STXBP5L: variants seen among roughly 807,000 people sequenced by gnomAD.
STXBP5L encodes syntaxin binding protein 5L.
STXBP5L carries 65 observed loss-of-function variants against 144.5 expected under a neutral mutation model. That is an observed-to-expected ratio of 0.45 (90% CI 0.37 to 0.55). STXBP5L has a LOEUF of 0.55. Ranked by LOEUF, STXBP5L falls within the 20% of genes least tolerant of loss-of-function variation. The pLI is 0.00. For missense variants in STXBP5L, 1,298 were observed against 1,405.5 expected, an observed-to-expected ratio of 0.92 and a Z score of 1.22; for synonymous variants, 505 against 469.6, an observed-to-expected ratio of 1.08 and a Z score of -0.97.
At chr3:120,995,516 A>G (rs552465482) in intron 3 of STXBP5L, among the ~76,000 whole-genome samples, 1 of 150,972 alleles carries the variant, frequency 6.6e-6, no homozygotes, top group South Asian at 2.1e-4. Flanking sequence ...AACATTTTTA[A>G]TGATTTAATG....
intron 3 of STXBP5L, among the ~76,000 whole-genome samples, chr3:121,022,641 A>T (rs1490660873): frequency 2.0e-5 from 3 of 152,198 alleles, no homozygotes; most frequent in Non-Finnish European, 2.9e-5. Context: ...CCACATAAAT[A>T]GGATTAAAAA....
chr3:121,154,240 A>T (rs1374885935), intron 8 of STXBP5L, among the ~76,000 whole-genome samples: 1 of 151,874 alleles, frequency 6.6e-6, no homozygotes, highest in Non-Finnish European at 1.5e-5. Context: ...ATGTGTCATT[A>T]TATGCTCTAT....
At chr3:121,324,269 G>A (rs146327488) in intron 20 of STXBP5L, among the ~76,000 whole-genome samples, 101 of 152,156 alleles carry the variant, frequency 6.6e-4, no homozygotes, top group Non-Finnish European at 1.3e-3. Context: ...CTCCTTCTGG[G>A]CATTCCTATG....
chr3:121,083,675 A>T (rs935946912), intron 5 of STXBP5L, among the ~76,000 whole-genome samples: 25 of 152,250 alleles, frequency 1.6e-4, no homozygotes, highest in African/African-American at 6.0e-4. Flanking sequence ...GAAAAAAAAA[A>T]AATGGTGTCA....
At chr3:121,205,714 T>G (rs1450287357) in intron 9 of STXBP5L, among the ~76,000 whole-genome samples, 1 of 152,188 alleles carries the variant, frequency 6.6e-6, no homozygotes, top group Admixed American at 6.5e-5. Flanking sequence ...ATTTTATGAA[T>G]TATATAGCAG....
intron 24 of STXBP5L, among the ~76,000 whole-genome samples, chr3:121,414,843 T>A (rs758948079): frequency 7.9e-5 from 12 of 152,218 alleles, no homozygotes; most frequent in South Asian, 4.1e-4. Flanking sequence ...ATTCTGGTTA[T>A]AGTATGGCAG....
chr3:121,056,901 A>G (rs1393975162), intron 5 of STXBP5L, among the ~76,000 whole-genome samples: 1 of 151,318 alleles, frequency 6.6e-6, no homozygotes, highest in African/African-American at 2.4e-5. Context: ...TTTTTGTTAA[A>G]CAAATTAGCA....
intron 2 of STXBP5L, among the ~76,000 whole-genome samples, chr3:120,948,006 A>T (rs1433880778): frequency 1.3e-5 from 2 of 151,806 alleles, no homozygotes; most frequent in African/African-American, 4.8e-5. Context: ...TCTGTATTTC[A>T]TATATTGAGG....
At chr3:120,995,001 G>C (rs1371106943) in intron 3 of STXBP5L, among the ~76,000 whole-genome samples, 1 of 151,796 alleles carries the variant, frequency 6.6e-6, no homozygotes, top group Non-Finnish European at 1.5e-5. Context: ...GTTCAATTTT[G>C]GGAGGTTTTA....
At chr3:121,323,026 C>T (rs2108541109) in intron 20 of STXBP5L, among the ~76,000 whole-genome samples, 1 of 152,228 alleles carries the variant, frequency 6.6e-6, no homozygotes, top group South Asian at 2.1e-4. Context: ...CTTTTGCCTA[C>T]TCTTAATGGA....
At position 121,420,831 on chromosome 3, in the gene STXBP5L, C is replaced by CT. The variant is rs1480752740; in HGVS notation, c.*1737dup. ...GTCTAATTTTTTGCTAGAAGTTGTA[C>CT]TTTCTAGCAAATGTTTCTAGTGGTA... On this transcript the variant is annotated 3_prime_UTR_variant, in exon 27 of 27. Coordinates refer to ENST00000471454, the MANE Select transcript of STXBP5L (RefSeq NM_001308330.2). The CT allele has an allele frequency of 6.6e-6, 1 of 152,002 alleles. No homozygotes were observed. The highest frequency in any genetic ancestry group is 6.6e-5 in the Admixed American group (1 of 15,246). 9.4% of individuals were successfully genotyped at this position (152,002 alleles called of 1,614,324 possible).
At chr3:121,089,491 G>C (rs190559708) in intron 5 of STXBP5L, among the ~76,000 whole-genome samples, 25 of 150,068 alleles carry the variant, frequency 1.7e-4, no homozygotes, top group African/African-American at 6.1e-4. Context: ...TTCTCCCATA[G>C]TTAAGGTGTT....
intron 19 of STXBP5L, among the ~76,000 whole-genome samples, chr3:121,292,909 A>C (rs114630218): frequency 7.1e-4 from 108 of 152,328 alleles, no homozygotes; most frequent in African/African-American, 2.5e-3. Context: ...GGTGAGGGAT[A>C]AAAGATGACA....
At chr3:121,239,946 A>T (rs1368514573) in intron 13 of STXBP5L, among the ~76,000 whole-genome samples, 3 of 152,100 alleles carry the variant, frequency 2.0e-5, no homozygotes, top group Non-Finnish European at 4.4e-5. Flanking sequence ...AGGAAACATA[A>T]TTATTAAAAG....
intron 10 of STXBP5L, among the ~76,000 whole-genome samples, chr3:121,212,218 A>G (rs1330397368): frequency 6.6e-6 from 1 of 152,084 alleles, no homozygotes; most frequent in Admixed American, 6.6e-5. Flanking sequence ...CTTTACTTTA[A>G]TTAGATCCCA....
intron 9 of STXBP5L, among the ~76,000 whole-genome samples, chr3:121,191,962 G>A (rs538877274): frequency 1.5e-4 from 23 of 152,008 alleles, no homozygotes; most frequent in Non-Finnish European, 3.2e-4. Flanking sequence ...GGGGGATGGG[G>A]GGAGGGATAG....
At chr3:121,299,618 G>C in intron 19 of STXBP5L, among the ~76,000 whole-genome samples, 1 of 151,954 alleles carries the variant, frequency 6.6e-6, no homozygotes, top group East Asian at 1.9e-4. Flanking sequence ...CAGTGACTTT[G>C]GCTGAAATTT....
chr3:121,346,221 C>T (rs939841366), intron 20 of STXBP5L, among the ~76,000 whole-genome samples: 5 of 150,028 alleles, frequency 3.3e-5, no homozygotes, highest in South Asian at 4.2e-4. Flanking sequence ...TTTGTCCTTG[C>T]AATAGTTTGC....
rs747847172 is a variant in STXBP5L, at chr3:120,955,000, A to G, written c.250A>G (p.Ile84Val). The G allele has an allele frequency of 3.1e-6, 5 of 1,612,544 alleles. No homozygotes were observed. Among genetic ancestry groups the G allele is most frequent in the African/African-American group, 1.3e-5 (1 of 74,810 alleles). ...TALAFDPVQKILAIGTRTGAI... is the reference protein window; with the variant it reads ...TALAFDPVQKVLAIGTRTGAI... Reference sequence around the variant, plus strand: ...ATTAGCCTTTGATCCAGTTCAGAAAATCTTGGCTATTGGGACGAGAACAGG... The same window carrying G: ...ATTAGCCTTTGATCCAGTTCAGAAAGTCTTGGCTATTGGGACGAGAACAGG... Residue 84 changes from isoleucine to valine, a missense_variant, in exon 3 of 27, where the codon ATC becomes GTC. By Grantham distance (29) the Ile-to-Val change is conservative (BLOSUM62 3). Transcript: ENST00000471454.
Sources: allele counts gnomAD v4.1 joint callset (sites outside exome capture counted in the v4.1 genomes callset), GRCh38; gene constraint gnomAD v4.1.1; transcripts MANE v1.5; gene names NCBI Gene and HGNC (gene_info 2026-07-23, HGNC 2026-07-21).